The following KIF16B variants were observed in gnomAD, a reference collection of about 807,000 sequenced individuals.
KIF16B encodes kinesin-like protein KIF16B.
In KIF16B, 98 loss-of-function variants were observed where a neutral mutation model predicts 156.3. The ratio of observed to expected loss-of-function variants is 0.63; its 90% confidence interval spans 0.53 to 0.74. The LOEUF (loss-of-function observed/expected upper bound fraction) is 0.74. KIF16B is among the 30% of genes least tolerant of loss of function. The pLI, the probability that KIF16B is intolerant of heterozygous loss-of-function variation, is 0.00. For synonymous variants in KIF16B, 564 were observed against 583.7 expected (o/e 0.97, Z 0.49); for missense variants, 1,421 against 1,606.5 (o/e 0.88, Z 1.97).
chr20:16,474,833 C>T (rs150126513), intron 12 of KIF16B, among the ~76,000 whole-genome samples: 8 of 152,336 alleles, frequency 5.3e-5, no homozygotes, highest in African/African-American at 1.4e-4. Flanking sequence ...CAACTTCTAA[C>T]TGCCTTAGGA....
intron 12 of KIF16B, among the ~76,000 whole-genome samples, chr20:16,481,010 T>C (rs2067967906): frequency 6.6e-6 from 1 of 152,178 alleles, no homozygotes; most frequent in African/African-American, 2.4e-5. Flanking sequence ...AGAGATGTGT[T>C]TGAAGGGATG....
At chr20:16,406,254 G>T in intron 16 of KIF16B, 120 bp downstream of exon 16, 1 of 792,736 alleles carries the variant, frequency 1.3e-6, no homozygotes, top group South Asian at 1.5e-5. Context: ...CCAGATCACA[G>T]AACTACTTTT....
chr20:16,277,411 A>G (rs1333117891), intron 25 of KIF16B, among the ~76,000 whole-genome samples: 1 of 151,052 alleles, frequency 6.6e-6, no homozygotes, highest in African/African-American at 2.4e-5. Context: ...TTTACACTCA[A>G]ATCTAAGCTT....
Position 16,515,582 on chromosome 20 carries a change from C to A in KIF16B, c.314G>T (p.Gly105Val). 1 of 1,608,560 alleles carries A rather than the reference C, an allele frequency of 6.2e-7. No homozygotes were observed. Among genetic ancestry groups the A allele is most frequent in the Non-Finnish European group, 8.5e-7 (1 of 1,175,126 alleles). ...NACVFAYGQT[G>V]SGKSYTMMGN... is the part of the protein sequence containing the mutation. ...CATCATAGTGTATGACTTTCCAGAT[C>A]CAGTTTGCCCATATGCAAAGACACA... Residue 105 changes from glycine to valine, a missense_variant, in exon 4 of 26, where the codon GGA becomes GTA. Physicochemically the swap from Gly to Val is moderately radical, Grantham distance 109. Coordinates refer to ENST00000354981, the MANE Select transcript of KIF16B (RefSeq NM_024704.5).
chr20:16,292,865 T>C (rs2063332459), intron 25 of KIF16B, among the ~76,000 whole-genome samples: 1 of 152,168 alleles, frequency 6.6e-6, no homozygotes. Flanking sequence ...TTGATAACAG[T>C]ACTAAAAGAT....
chr20:16,512,232 A>C (rs114036344), intron 5 of KIF16B, among the ~76,000 whole-genome samples: 9 of 152,184 alleles, frequency 5.9e-5, no homozygotes, highest in Non-Finnish European at 1.0e-4. Context: ...GAATCTCCAC[A>C]ATACCCAGAG....
At chr20:16,401,135 G>T (rs564919024) in intron 17 of KIF16B, among the ~76,000 whole-genome samples, 29 of 152,308 alleles carry the variant, frequency 1.9e-4, no homozygotes, top group Non-Finnish European at 3.8e-4. Flanking sequence ...TTGTGTCAAT[G>T]AATAATGCAA....
chr20:16,336,287 T>C (rs989323588), intron 23 of KIF16B, among the ~76,000 whole-genome samples: 2 of 152,174 alleles, frequency 1.3e-5, no homozygotes, highest in Non-Finnish European at 2.9e-5. Flanking sequence ...TTATAAAAAG[T>C]GTCCCTTTTT....
chr20:16,380,994 G>C (rs1167360300), intron 18 of KIF16B, among the ~76,000 whole-genome samples: 1 of 152,118 alleles, frequency 6.6e-6, no homozygotes, highest in African/African-American at 2.4e-5. Context: ...TAAACTCCAG[G>C]TCCTACTAAA....
chr20:16,514,472 A>G (rs2069065035), intron 4 of KIF16B, among the ~76,000 whole-genome samples: 2 of 151,532 alleles, frequency 1.3e-5, no homozygotes, highest in Admixed American at 1.3e-4. Context: ...CATTACAGAC[A>G]CCACATGTGT....
chr20:16,423,510 G>T (rs1213389934), intron 15 of KIF16B, among the ~76,000 whole-genome samples: 2 of 152,152 alleles, frequency 1.3e-5, no homozygotes, highest in African/African-American at 2.4e-5. Context: ...ACGATTCTGG[G>T]AGGCAATAGT....
chr20:16,525,689 G>C (rs1007246061), intron 3 of KIF16B, among the ~76,000 whole-genome samples: 2 of 152,200 alleles, frequency 1.3e-5, no homozygotes, highest in Non-Finnish European at 1.5e-5. Flanking sequence ...GGGAACACAT[G>C]ACTTGGGTTT....
At chr20:16,274,759 C>G (rs2063035497) in intron 25 of KIF16B, among the ~76,000 whole-genome samples, 1 of 152,166 alleles carries the variant, frequency 6.6e-6, no homozygotes, top group South Asian at 2.1e-4. Flanking sequence ...GGCAGTGCAC[C>G]TGGTGGATGC....
intron 12 of KIF16B, among the ~76,000 whole-genome samples, chr20:16,478,705 G>A (rs1232874672): frequency 6.6e-6 from 1 of 152,078 alleles, no homozygotes; most frequent in Non-Finnish European, 1.5e-5. Context: ...AATTGTTCAT[G>A]GCCCCAAAGC....
chr20:16,417,957 C>CG (rs1048438592), intron 15 of KIF16B, among the ~76,000 whole-genome samples: 27 of 151,028 alleles, frequency 1.8e-4, no homozygotes, highest in Admixed American at 4.0e-4. Context: ...GAGTATAGTG[C>CG]GGGGGAAAAA....
rs755356885 is a variant in KIF16B at position 16,367,152 on chromosome 20, T to A, written c.3498+3434A>T. The A allele has an allele frequency of 1.4e-5, 22 of 1,592,962 alleles. 1 individual carries two copies. In the African/African-American group the frequency reaches 2.6e-4, roughly 19 times the overall value. ...ATCTTTAAAAGTCTCCTCCTTAGAG[T>A]CTTGTCAAATGTGAGATTAGCCAAA... On this transcript the variant is annotated intron_variant, in intron 22 of 25. Coordinates refer to ENST00000354981, the MANE Select transcript of KIF16B (RefSeq NM_024704.5).
At chr20:16,443,595 C>G (rs1436412751) in intron 12 of KIF16B, among the ~76,000 whole-genome samples, 2 of 152,154 alleles carry the variant, frequency 1.3e-5, no homozygotes, top group Admixed American at 1.3e-4. Flanking sequence ...TGTATAAATA[C>G]TACTATGGGC....
chr20:16,458,444 C>G (rs893535944), intron 12 of KIF16B, among the ~76,000 whole-genome samples: 1 of 152,068 alleles, frequency 6.6e-6, no homozygotes, highest in African/African-American at 2.4e-5. Flanking sequence ...AAACAGGAAG[C>G]TGTTGCTGAA....
At chr20:16,541,108 G>A (rs775668472) in intron 1 of KIF16B, among the ~76,000 whole-genome samples, 17 of 152,116 alleles carry the variant, frequency 1.1e-4, no homozygotes, top group African/African-American at 3.4e-4. Flanking sequence ...TCTCCTCCCC[G>A]AAACCATGTC....
Sources: allele counts gnomAD v4.1 joint callset (sites outside exome capture counted in the v4.1 genomes callset), GRCh38; gene constraint gnomAD v4.1.1; transcripts MANE v1.5; gene names NCBI Gene and HGNC (gene_info 2026-07-23, HGNC 2026-07-21).